The following CNTNAP2 variants were observed in gnomAD, a reference collection of about 807,000 sequenced individuals.
The protein encoded by CNTNAP2 is contactin associated protein 2.
In CNTNAP2, 98 loss-of-function variants were observed where a neutral mutation model predicts 155.2. The ratio of observed to expected loss-of-function variants is 0.63; its 90% CI spans 0.54 to 0.75. CNTNAP2 has a LOEUF of 0.75. Among genes scored for constraint, CNTNAP2 ranks in the 30% least tolerant of loss-of-function variants. CNTNAP2 has a pLI of 0.00. For missense variants in CNTNAP2, 1,727 were observed against 1,688.1 expected, an observed-to-expected ratio of 1.02 and a Z score of -0.40; for synonymous variants, 651 against 631.2, an observed-to-expected ratio of 1.03 and a Z score of -0.47.
At chr7:147,750,223 C>A (rs565511323) in intron 13 of CNTNAP2, among the ~76,000 whole-genome samples, 61 of 152,214 alleles carry the variant, frequency 4.0e-4, no homozygotes, top group African/African-American at 1.4e-3. Flanking sequence ...AAAACCTTAC[C>A]AAGTTCTAAT....
At chr7:146,848,720 T>C (rs1794809697) in intron 3 of CNTNAP2, among the ~76,000 whole-genome samples, 1 of 152,180 alleles carries the variant, frequency 6.6e-6, no homozygotes, top group Non-Finnish European at 1.5e-5. Context: ...TGGGATTCTA[T>C]AAATAACTGC....
At chr7:146,978,921 T>G (rs1390703387) in intron 3 of CNTNAP2, among the ~76,000 whole-genome samples, 3 of 152,116 alleles carry the variant, frequency 2.0e-5, no homozygotes, top group African/African-American at 4.8e-5. Context: ...TTTGTTACAG[T>G]TAAACACAGA....
intron 4 of CNTNAP2, among the ~76,000 whole-genome samples, chr7:147,051,573 A>C (rs1799474233): frequency 1.3e-5 from 2 of 152,168 alleles, no homozygotes; most frequent in African/African-American, 4.8e-5. Context: ...TTAGGGGTAA[A>C]GGAGCATTCA....
rs183448732 is a variant in CNTNAP2, at chr7:147,674,632, T to A, written c.2098+35326T>A. Among the ~76,000 whole-genome samples, 9 of 152,272 alleles carry A rather than the reference T, an allele frequency of 5.9e-5. No individual in the cohort carries two copies. The East Asian group carries it at 1.7e-3, about 29-fold the overall frequency. ...TCTGAGAAAACATATTTCACTTCGT[T>A]GTTTAAATGCAATAGAGATCAAGAG... On this transcript the variant is annotated intron_variant, in intron 13 of 23. Transcript: ENST00000361727.
intron 12 of CNTNAP2, among the ~76,000 whole-genome samples, chr7:147,603,468 A>G (rs1396335103): frequency 1.3e-5 from 2 of 152,174 alleles, no homozygotes; most frequent in African/African-American, 4.8e-5. Context: ...ACTCCCATTC[A>G]CAATTGCTTC....
chr7:148,184,484 T>C (rs1795087788), intron 18 of CNTNAP2, among the ~76,000 whole-genome samples: 1 of 152,200 alleles, frequency 6.6e-6, no homozygotes, highest in South Asian at 2.1e-4. Context: ...CAATCTCACT[T>C]TCTGTGCTTC....
chr7:148,098,712 C>A (rs1804025636), intron 15 of CNTNAP2, among the ~76,000 whole-genome samples: 1 of 151,994 alleles, frequency 6.6e-6, no homozygotes, highest in African/African-American at 2.4e-5. Context: ...AATATAAGGT[C>A]TTTACGTGCT....
intron 22 of CNTNAP2, among the ~76,000 whole-genome samples, chr7:148,406,540 C>A (rs1163397621): frequency 6.6e-6 from 1 of 152,164 alleles, no homozygotes; most frequent in East Asian, 1.9e-4. Flanking sequence ...CCCTTTCTAG[C>A]CTTCAAAAGG....
At chr7:147,391,526 C>G (rs1284172294) in intron 9 of CNTNAP2, among the ~76,000 whole-genome samples, 2 of 152,016 alleles carry the variant, frequency 1.3e-5, no homozygotes, top group Non-Finnish European at 2.9e-5. Context: ...AATGGGTTTT[C>G]TATGAATTTT....
At chr7:148,085,136 A>G (rs1803698436) in intron 15 of CNTNAP2, among the ~76,000 whole-genome samples, 1 of 152,252 alleles carries the variant, frequency 6.6e-6, no homozygotes, top group Admixed American at 6.5e-5. Flanking sequence ...ATATCTAAGT[A>G]AAACCCAGTT....
intron 20 of CNTNAP2, among the ~76,000 whole-genome samples, chr7:148,257,934 C>T (rs919998077): frequency 8.9e-6 from 1 of 112,558 alleles, no homozygotes; most frequent in African/African-American, 3.7e-5. Flanking sequence ...CACACACACA[C>T]ACACACACAC....
intron 1 of CNTNAP2, among the ~76,000 whole-genome samples, chr7:146,639,127 C>A (rs1799662270): frequency 6.6e-6 from 1 of 152,146 alleles, no homozygotes; most frequent in Non-Finnish European, 1.5e-5. Flanking sequence ...AGGCTGTATG[C>A]CTCAGGTGCC....
intron 1 of CNTNAP2, among the ~76,000 whole-genome samples, chr7:146,200,726 C>T (rs773252100): frequency 3.9e-5 from 6 of 152,186 alleles, no homozygotes; most frequent in African/African-American, 9.6e-5. Context: ...TCTAGGATTG[C>T]GCAAATGCAC....
At chr7:146,651,555 A>G (rs1799912291) in intron 1 of CNTNAP2, among the ~76,000 whole-genome samples, 1 of 152,208 alleles carries the variant, frequency 6.6e-6, no homozygotes, top group African/African-American at 2.4e-5. Flanking sequence ...TGAACATTGA[A>G]TTACTAACAA....
intron 1 of CNTNAP2, among the ~76,000 whole-genome samples, chr7:146,277,710 T>G (rs1800185708): frequency 6.6e-6 from 1 of 152,188 alleles, no homozygotes; most frequent in African/African-American, 2.4e-5. Context: ...TAAAGAATTG[T>G]AAATAGAAAA....
intron 13 of CNTNAP2, among the ~76,000 whole-genome samples, chr7:147,732,313 T>G (rs998015210): frequency 2.6e-5 from 4 of 152,018 alleles, no homozygotes; most frequent in Non-Finnish European, 4.4e-5. Context: ...TTGCGATAGT[T>G]TGCTCAGAAT....
intron 17 of CNTNAP2, among the ~76,000 whole-genome samples, chr7:148,152,162 A>T (rs1011617971): frequency 2.0e-5 from 3 of 152,058 alleles, no homozygotes; most frequent in African/African-American, 7.2e-5. Context: ...TCACTGAGAC[A>T]ATGTTATTGC....
chr7:146,847,336 A>C (rs972052942), intron 3 of CNTNAP2, among the ~76,000 whole-genome samples: 1 of 152,104 alleles, frequency 6.6e-6, no homozygotes, highest in Admixed American at 6.5e-5. Context: ...TCTATGTTAC[A>C]CTCTGGAATC....
intron 21 of CNTNAP2, among the ~76,000 whole-genome samples, chr7:148,368,859 T>C (rs1798833015): frequency 6.6e-6 from 1 of 152,160 alleles, no homozygotes; most frequent in African/African-American, 2.4e-5. Context: ...TTCTATACAA[T>C]GTCTGGAGTC....
Sources: allele counts gnomAD v4.1 joint callset (sites outside exome capture counted in the v4.1 genomes callset), GRCh38; gene constraint gnomAD v4.1.1; transcripts MANE v1.5; gene names NCBI Gene and HGNC (gene_info 2026-07-23, HGNC 2026-07-21).